The following C1orf174 variants were observed in gnomAD, a reference collection of about 807,000 sequenced individuals.
The protein encoded by C1orf174 is chromosome 1 open reading frame 174, also known as UPF0688 protein C1orf174.
In C1orf174, 13 loss-of-function variants were observed where a neutral mutation model predicts 18.4. That is an observed-to-expected ratio of 0.71 (90% CI 0.46 to 1.12). The LOEUF is 1.12. Among genes scored for constraint, C1orf174 ranks in the 50% most tolerant of loss-of-function variants. C1orf174 has a pLI of 0.00. For synonymous variants in C1orf174, 100 were observed against 118.3 expected, an observed-to-expected ratio of 0.85 and a Z score of 1.01; for missense variants, 309 against 308.0, an observed-to-expected ratio of 1.00 and a Z score of -0.02.
At chr1:3,893,634 C>T (rs12046376) in intron 1 of C1orf174, among the ~76,000 whole-genome samples, 2,270 of 152,326 alleles carry the variant, frequency 0.015, 118 homozygotes, top group East Asian at 0.14. Context: ...ATAGCTCACA[C>T]CTGTAATCCC....
At chr1:3,899,585 G>A (rs1480729321) in intron 1 of C1orf174, among the ~76,000 whole-genome samples, 3 of 152,350 alleles carry the variant, frequency 2.0e-5, no homozygotes, top group African/African-American at 7.2e-5. Flanking sequence ...GCCAAGCTGA[G>A]GTCACTTGCT....
Position 3,890,948 on chromosome 1 carries a change from C to T in C1orf174, c.239G>A (p.Ser80Asn). The change falls in exon 3 of 4, where the codon AGC becomes AAC. Residue 80 changes from serine (S) to asparagine (N), a missense_variant. Transcript: ENST00000361605. ...AGGTGTCACTTTTGGCAAAGAAGCG[C>T]TGTCATTCTTAGGGACAAGCTTCTG... ...ELQKLVPKND[S>N]ASLPKVTPET... 1.2e-6 allele frequency: 2 copies of T among 1,614,182 alleles called. No homozygotes were observed. Among genetic ancestry groups the T allele is most frequent in the Non-Finnish European group, 1.7e-6 (2 of 1,180,042 alleles).
intron 1 of C1orf174, among the ~76,000 whole-genome samples, chr1:3,899,075 A>C (rs918142899): frequency 6.6e-6 from 1 of 152,368 alleles, no homozygotes; most frequent in African/African-American, 2.4e-5. Context: ...TCATTAAATT[A>C]AAATGCTACA....
In C1orf174 at chr1:3,898,485, G is replaced by A. The variant is rs569951039; in HGVS notation, c.15+1687C>T. 1.1e-3 allele frequency among the ~76,000 whole-genome samples: 169 copies of A among 152,044 alleles called. 1 individual carries two copies. The highest frequency in any genetic ancestry group is 3.4e-3 in the Middle Eastern group (1 of 294). On this transcript the variant is annotated intron_variant, in intron 1 of 3. Transcript: ENST00000361605. ...ATCACACCTCTGCACTCCAGCCTGG[G>A]CAACAGAGTGAGACTCTGGTCTCAA...
At chr1:3,894,779 C>T (rs928485662) in intron 1 of C1orf174, among the ~76,000 whole-genome samples, 3 of 152,170 alleles carry the variant, frequency 2.0e-5, no homozygotes, top group Admixed American at 6.5e-5. Context: ...GAGGCCAGGA[C>T]GCCCGCCTGC....
At chr1:3,890,140 G>T in intron 3 of C1orf174, 67 bp from the exon 4 acceptor site, 3 of 1,280,274 alleles carry the variant, frequency 2.3e-6, no homozygotes, top group Non-Finnish European at 2.3e-6. Context: ...TTTGCAATGT[G>T]CCCCACCCAG....
chr1:3,890,466 G>A (rs1638484796), intron 3 of C1orf174, 103 bp downstream of exon 3: 1 of 1,453,572 alleles, frequency 6.9e-7, no homozygotes, highest in Non-Finnish European at 9.3e-7. Flanking sequence ...TATGTTTAAT[G>A]TTGTGTCGAG....
chr1:3,898,243 G>A (rs1428231462), intron 1 of C1orf174, among the ~76,000 whole-genome samples: 4 of 152,238 alleles, frequency 2.6e-5, no homozygotes, highest in Middle Eastern at 3.4e-3. Context: ...TGGGCATGGT[G>A]GCTCATGCCT....
intron 1 of C1orf174, 104 bp downstream of exon 1, chr1:3,900,068 C>T: frequency 7.1e-7 from 1 of 1,411,270 alleles, no homozygotes; most frequent in Admixed American, 2.6e-5. Context: ...GAGGCCGCTC[C>T]TAGGCCACAG....
Position 3,889,370 on chromosome 1 carries a change from A to C in C1orf174, c.*590T>G, listed in dbSNP as rs1406193764. ...CATTAAGCCCACTGCCCTGCAGCTGACTCAAGCCATCATCATGTATGTACG... is the reference window on the plus strand; with the variant it reads ...CATTAAGCCCACTGCCCTGCAGCTGCCTCAAGCCATCATCATGTATGTACG... On this transcript the variant is annotated 3_prime_UTR_variant, in exon 4 of 4. Coordinates refer to ENST00000361605, the MANE Select transcript of C1orf174 (RefSeq NM_207356.3). 6.6e-6 allele frequency: 1 copy of C among 152,578 alleles called. No homozygotes were observed. Among genetic ancestry groups the C allele is most frequent in the Non-Finnish European group, 1.5e-5 (1 of 68,356 alleles). 9.5% of individuals were successfully genotyped at this position (152,578 alleles called of 1,614,324 possible).
chr1:3,899,332 G>A (rs1164019238), intron 1 of C1orf174, among the ~76,000 whole-genome samples: 2 of 152,150 alleles, frequency 1.3e-5, no homozygotes, highest in African/African-American at 2.4e-5. Flanking sequence ...ATAGTAAAAG[G>A]AGTTGGAATT....
intron 1 of C1orf174, among the ~76,000 whole-genome samples, chr1:3,899,716 C>T (rs1638672519): frequency 6.6e-6 from 1 of 152,180 alleles, no homozygotes; most frequent in African/African-American, 2.4e-5. Context: ...GGAAAGTGGC[C>T]CGAAACCTCC....
At chr1:3,897,211 C>G (rs1397653364) in intron 1 of C1orf174, among the ~76,000 whole-genome samples, 2 of 152,010 alleles carry the variant, frequency 1.3e-5, no homozygotes, top group Non-Finnish European at 2.9e-5. Context: ...GTGAGAGTGA[C>G]CAGATGTTGG....
Position 3,891,061 on chromosome 1 carries a change from T to A in C1orf174, c.130-4A>T. On this transcript the variant is annotated splice_polypyrimidine_tract_variant and splice_region_variant and intron_variant, in intron 2 of 3. Coordinates refer to ENST00000361605, the MANE Select transcript of C1orf174 (RefSeq NM_207356.3). Reference sequence around the variant, plus strand: ...TGGCTTTGTGGGATGAGGAAGTCTGTCAAGAAAAAAAATGTAAGGGGAACC... The same window carrying A: ...TGGCTTTGTGGGATGAGGAAGTCTGACAAGAAAAAAAATGTAAGGGGAACC... 6.3e-7 allele frequency: 1 copy of A among 1,599,018 alleles called. No homozygotes were observed. The highest frequency in any genetic ancestry group is 1.7e-5 in the Admixed American group (1 of 57,252).
At chr1:3,893,736 T>G (rs554185956) in intron 1 of C1orf174, among the ~76,000 whole-genome samples, 1 of 151,928 alleles carries the variant, frequency 6.6e-6, no homozygotes, top group Non-Finnish European at 1.5e-5. Flanking sequence ...CTTTAAAAAA[T>G]TTTTTTAAAA....
At chr1:3,898,474 C>T (rs192710975) in intron 1 of C1orf174, among the ~76,000 whole-genome samples, 26 of 152,124 alleles carry the variant, frequency 1.7e-4, no homozygotes, top group Admixed American at 3.3e-4. Context: ...CACCTCTGCA[C>T]TCCAGCCTGG....
At position 3,894,982 on chromosome 1, in the gene C1orf174, T is replaced by C. The variant is rs114387902; in HGVS notation, c.16-1986A>G. Among the ~76,000 whole-genome samples, 390 of 152,264 alleles carry C rather than the reference T, an allele frequency of 2.6e-3. 2 individuals carry two copies. The highest frequency in any genetic ancestry group is 8.4e-3 in the African/African-American group (348 of 41,556). ...AACTTGCTAAGAGTTGCCATAAACA[T>C]CTCTCATCAAAATCCTCCCACTGGG... is the stretch of plus-strand genomic sequence containing the variant. On this transcript the variant is annotated intron_variant, in intron 1 of 3. Coordinates refer to ENST00000361605, the MANE Select transcript of C1orf174 (RefSeq NM_207356.3).
chr1:3,892,735 T>A (rs79308453), intron 2 of C1orf174, 148 bp downstream of exon 2: 51,847 of 1,470,484 alleles, frequency 0.035, 1,024 homozygotes, highest in Non-Finnish European at 0.04. Context: ...ATTACAGTGC[T>A]GTCACCTTTT....
At position 3,889,951 on chromosome 1, in the gene C1orf174, G is replaced by C. The variant is rs1638470939; in HGVS notation, c.*9C>G. On this transcript the variant is annotated 3_prime_UTR_variant, in exon 4 of 4. Transcript: ENST00000361605. The stretch of plus-strand genomic sequence containing the variant: ...ACTAAATACTCAAGGACATTATTTT[G>C]TATGGCCCCTACATTTCTGCATCAT... 1.2e-6 allele frequency: 2 copies of C among 1,608,332 alleles called. No individual in the cohort carries two copies. The highest frequency in any genetic ancestry group is 8.5e-7 in the Non-Finnish European group (1 of 1,174,684).
Sources: gnomAD v4.1 joint callset for allele counts (sites outside exome capture counted in the v4.1 genomes callset) on GRCh38, gnomAD v4.1.1 for gene constraint, MANE v1.5 for transcripts, NCBI Gene and HGNC (gene_info 2026-07-23, HGNC 2026-07-21) for gene names.